The following FGF14 variants were observed in gnomAD, a reference collection of about 807,000 sequenced individuals.
FGF14 encodes fibroblast growth factor 14.
Under a neutral mutation model 25.5 loss-of-function variants are expected in FGF14, and 5 were observed. The ratio of observed to expected loss-of-function variants is 0.20; its 90% confidence interval spans 0.10 to 0.41. The LOEUF is 0.41. Ranked by LOEUF, FGF14 falls within the 10% of genes least tolerant of loss-of-function variation. The pLI is 1.00. For synonymous variants in FGF14, 138 were observed against 118.3 expected, an observed-to-expected ratio of 1.17 and a Z score of -1.08; for missense variants, 222 against 320.1, an observed-to-expected ratio of 0.69 and a Z score of 2.34.
At chr13:102,099,373 C>G (rs572507967) in intron 1 of FGF14, among the ~76,000 whole-genome samples, 1 of 152,186 alleles carries the variant, frequency 6.6e-6, no homozygotes, top group Non-Finnish European at 1.5e-5. Flanking sequence ...GTTCTTTAAA[C>G]GTCTCTCTGC....
At chr13:102,339,333 A>C (rs2056883202) in intron 1 of FGF14, among the ~76,000 whole-genome samples, 1 of 152,124 alleles carries the variant, frequency 6.6e-6, no homozygotes, top group African/African-American at 2.4e-5. Context: ...AACATAAAGA[A>C]ATTATTTAGA....
At chr13:102,267,132 C>A (rs983423509) in intron 1 of FGF14, among the ~76,000 whole-genome samples, 10 of 151,892 alleles carry the variant, frequency 6.6e-5, no homozygotes, top group Non-Finnish European at 1.5e-4. Context: ...GATAAACTTT[C>A]TTTTTTTTGT....
chr13:102,136,636 C>A lies in FGF14; in HGVS notation c.209-261340G>T, dbSNP rs1001640116. 4.0e-5 allele frequency among the ~76,000 whole-genome samples: 6 copies of A among 150,424 alleles called. No individual in the cohort carries two copies. In the South Asian group the frequency reaches 1.0e-3, roughly 26 times the overall value. ...GGCAGCAAGCCTAGCTGTAAAGCAGCCCACAGATTAAATAAATTCTATGGG... is the reference window on the plus strand; with the variant it reads ...GGCAGCAAGCCTAGCTGTAAAGCAGACCACAGATTAAATAAATTCTATGGG... On this transcript the variant is annotated intron_variant, in intron 1 of 4. Transcript: ENST00000376131.
At chr13:101,759,569 G>T (rs73568270) in intron 3 of FGF14, among the ~76,000 whole-genome samples, 2,374 of 152,224 alleles carry the variant, frequency 0.016, 82 homozygotes, top group African/African-American at 0.054. Flanking sequence ...CTGATCCCTA[G>T]GTTGGAAAGA....
chr13:101,836,991 A>T (rs975902251), intron 3 of FGF14, among the ~76,000 whole-genome samples: 1 of 152,116 alleles, frequency 6.6e-6, no homozygotes, highest in Admixed American at 6.6e-5. Context: ...TTCTTTTAGC[A>T]TCTATGAATA....
intron 1 of FGF14, among the ~76,000 whole-genome samples, chr13:102,048,490 G>C (rs1292716407): frequency 3.3e-5 from 5 of 152,214 alleles, no homozygotes; most frequent in African/African-American, 1.2e-4. Context: ...TTCCATCTTA[G>C]AGTCGGAGTC....
At chr13:102,134,574 A>G (rs1271205886) in intron 1 of FGF14, among the ~76,000 whole-genome samples, 1 of 152,210 alleles carries the variant, frequency 6.6e-6, no homozygotes, top group African/African-American at 2.4e-5. Flanking sequence ...ATTTTGGTGT[A>G]GAAATTGTGA....
At chr13:102,279,095 TA>T (rs2053697913) in intron 1 of FGF14, among the ~76,000 whole-genome samples, 1 of 152,152 alleles carries the variant, frequency 6.6e-6, no homozygotes, top group African/African-American at 2.4e-5. Flanking sequence ...CTGGACAAAT[TA>T]AAAATTTAAA....
intron 3 of FGF14, among the ~76,000 whole-genome samples, chr13:101,825,326 C>A (rs1165825615): frequency 6.6e-6 from 1 of 152,188 alleles, no homozygotes; most frequent in East Asian, 1.9e-4. Flanking sequence ...AAAATCACAT[C>A]TGGCATCAGA....
chr13:102,114,231 C>T (rs1448896175), intron 1 of FGF14, among the ~76,000 whole-genome samples: 1 of 152,158 alleles, frequency 6.6e-6, no homozygotes, highest in Non-Finnish European at 1.5e-5. Context: ...ATATCGAGTT[C>T]TTTGCCTGTT....
intron 1 of FGF14, among the ~76,000 whole-genome samples, chr13:102,309,410 A>G (rs2055605076): frequency 6.6e-6 from 1 of 152,200 alleles, no homozygotes. Flanking sequence ...CGGGGCTATC[A>G]GCCTGCACTA....
In FGF14 at chr13:102,068,708, C is replaced by G. The variant is rs998434565; in HGVS notation, c.209-193412G>C. Among the ~76,000 whole-genome samples the G allele has an allele frequency of 5.3e-5, 8 of 152,332 alleles. No individual in the cohort carries two copies. In the East Asian group the frequency reaches 1.4e-3, roughly 26 times the overall value. ...TCTCGCCGGGCCTTAGCTGCCTTCC[C>G]GCGGGGCAGGGCTCGGGACCTGCAG... On this transcript the variant is annotated intron_variant, in intron 1 of 4. Coordinates refer to the FGF14 transcript ENST00000376131.
chr13:102,199,983 T>C (rs1025309537), intron 1 of FGF14, among the ~76,000 whole-genome samples: 1 of 152,190 alleles, frequency 6.6e-6, no homozygotes, highest in African/African-American at 2.4e-5. Flanking sequence ...AATAGAAAGA[T>C]CACAGGGCTT....
At chr13:102,012,210 G>A (rs906756232) in intron 1 of FGF14, among the ~76,000 whole-genome samples, 1 of 152,108 alleles carries the variant, frequency 6.6e-6, no homozygotes, top group South Asian at 2.1e-4. Context: ...AGGAGGGGCT[G>A]GGGGTGAAGG....
chr13:102,137,064 G>C (rs1307530881), intron 1 of FGF14, among the ~76,000 whole-genome samples: 1 of 152,174 alleles, frequency 6.6e-6, no homozygotes, highest in Non-Finnish European at 1.5e-5. Context: ...TTTAAACTAT[G>C]CTAAAGTTTG....
intron 1 of FGF14, among the ~76,000 whole-genome samples, chr13:102,275,257 T>TCC: frequency 1.6e-5 from 1 of 62,416 alleles, no homozygotes; most frequent in East Asian, 8.0e-4. Context: ...TCTCTCTCTC[T>TCC]CTCTTTCTCT....
intron 1 of FGF14, among the ~76,000 whole-genome samples, chr13:101,879,619 A>C (rs2045588003): frequency 6.6e-6 from 1 of 152,202 alleles, no homozygotes; most frequent in Non-Finnish European, 1.5e-5. Context: ...AATGTACACT[A>C]TGACATATGT....
chr13:102,016,571 C>T (rs1013172897), intron 1 of FGF14, among the ~76,000 whole-genome samples: 19 of 151,980 alleles, frequency 1.3e-4, no homozygotes, highest in Admixed American at 3.3e-4. Flanking sequence ...CTTTTATTTT[C>T]CAAAGGCAAA....
At chr13:101,960,102 T>C (rs2036754172) in intron 1 of FGF14, among the ~76,000 whole-genome samples, 1 of 152,204 alleles carries the variant, frequency 6.6e-6, no homozygotes, top group Non-Finnish European at 1.5e-5. Context: ...TGCCTCAACC[T>C]GAATATTTTT....
Sources: allele counts gnomAD v4.1 joint callset (sites outside exome capture counted in the v4.1 genomes callset), GRCh38; gene constraint gnomAD v4.1.1; transcripts MANE v1.5; gene names NCBI Gene and HGNC (gene_info 2026-07-23, HGNC 2026-07-21).